The following FBXO40 variants were observed in gnomAD, a reference collection of about 807,000 sequenced individuals.
The protein encoded by FBXO40 is F-box only protein 40.
FBXO40 carries 50 observed loss-of-function variants against 49.9 expected under a neutral mutation model. The ratio of observed to expected loss-of-function variants is 1.00; its 90% CI spans 0.80 to 1.27. FBXO40 has a LOEUF of 1.27. Among genes scored for constraint, FBXO40 ranks in the 50% most tolerant of loss-of-function variants. FBXO40 has a pLI of 0.00. For missense variants in FBXO40, 895 were observed against 870.1 expected (o/e 1.03, Z -0.36); for synonymous variants, 340 against 320.2 (o/e 1.06, Z -0.66).
At chr3:121,614,292 A>T (rs75956683) in intron 1 of FBXO40, among the ~76,000 whole-genome samples, 1 of 149,594 alleles carries the variant, frequency 6.7e-6, no homozygotes, top group Admixed American at 6.7e-5. Context: ...AAAAAAAAAA[A>T]TTAGCTGGGC....
rs932945597 is a variant in FBXO40, at chr3:121,622,985, C to T, written c.1556C>T (p.Thr519Ile). ...TGCCCCCTCGCCTACTTGGGATGTACATTTGTTCAAAACCATTTCCGTCCC... is the reference window on the plus strand; with the variant it reads ...TGCCCCCTCGCCTACTTGGGATGTATATTTGTTCAAAACCATTTCCGTCCC... ...HRCPLAYLGC[T>I]FVQNHFRPPG... Residue 519 changes from threonine (T) to isoleucine (I), a missense_variant, in exon 3 of 4, where the codon ACA (threonine) becomes ATA (isoleucine). Thr to Ile is a moderately conservative substitution (Grantham distance 89). Transcript: ENST00000338040. 6 of 1,614,094 alleles carry T rather than the reference C, an allele frequency of 3.7e-6. No homozygotes were observed. In the African/African-American group the frequency reaches 6.7e-5, roughly 18 times the overall value.
At position 121,613,519 on chromosome 3, in the gene FBXO40, C is replaced by T. The variant is rs562574671; in HGVS notation, c.-30-7027C>T. ...AAAGCGGGGCCCGGCTGTCCGTGAC[C>T]AGCCAATAAAAGATGATCTTCTGAT... On this transcript the variant is annotated intron_variant, in intron 1 of 3. Transcript: ENST00000338040. 1.3e-3 allele frequency among the ~76,000 whole-genome samples: 204 copies of T among 152,220 alleles called. 1 individual carries two copies. The highest frequency in any genetic ancestry group is 3.4e-3 in the Middle Eastern group (1 of 294).
At chr3:121,615,059 G>T (rs1002312575) in intron 1 of FBXO40, among the ~76,000 whole-genome samples, 1 of 152,120 alleles carries the variant, frequency 6.6e-6, no homozygotes, top group African/African-American at 2.4e-5. Flanking sequence ...CAAAAAGTTT[G>T]CTGGGTGTGG....
intron 1 of FBXO40, among the ~76,000 whole-genome samples, chr3:121,618,973 A>G (rs1185399998): frequency 6.6e-6 from 1 of 150,994 alleles, no homozygotes; most frequent in East Asian, 1.9e-4. Context: ...GGCAAATTCT[A>G]AAGTAAAGTA....
intron 1 of FBXO40, among the ~76,000 whole-genome samples, chr3:121,601,433 T>G (rs1199077497): frequency 6.6e-6 from 1 of 151,934 alleles, no homozygotes; most frequent in Non-Finnish European, 1.5e-5. Context: ...GTCTTTGTTA[T>G]CTCTTAAAGG....
At chr3:121,618,907 T>C (rs974320361) in intron 1 of FBXO40, among the ~76,000 whole-genome samples, 4 of 152,004 alleles carry the variant, frequency 2.6e-5, no homozygotes, top group African/African-American at 7.3e-5. Context: ...TTTCTGTATA[T>C]TTGAAATGTC....
intron 1 of FBXO40, among the ~76,000 whole-genome samples, chr3:121,600,265 C>T (rs886951519): frequency 1.4e-5 from 2 of 148,102 alleles, no homozygotes; most frequent in Non-Finnish European, 3.0e-5. Flanking sequence ...ATCTCAATCT[C>T]CTGAGCTCAA....
chr3:121,622,289 T>C lies in FBXO40; in HGVS notation c.860T>C (p.Leu287Pro). ...CGTACAGCCATGGAAACCACAGGGC[T>C]TGCCCCTTGGCAGGATGGTGTTCTG... is the stretch of plus-strand genomic sequence containing the variant. ...DVRTAMETTGLAPWQDGVLER... is the reference protein window; with the variant it reads ...DVRTAMETTGPAPWQDGVLER... The change falls in exon 3 of 4, where the codon CTT becomes CCT. Residue 287 changes from leucine (L) to proline (P), a missense_variant. Leu to Pro is a moderately conservative substitution (Grantham distance 98). Coordinates refer to ENST00000338040, the MANE Select transcript of FBXO40 (RefSeq NM_016298.4). 1 of 1,614,228 alleles carries C rather than the reference T, an allele frequency of 6.2e-7. No homozygotes were observed. Among genetic ancestry groups the C allele is most frequent in the Non-Finnish European group, 8.5e-7 (1 of 1,180,048 alleles).
Position 121,622,126 on chromosome 3 carries a change from A to G in FBXO40, c.697A>G (p.Asn233Asp). 1.2e-6 allele frequency: 2 copies of G among 1,614,180 alleles called. No individual in the cohort carries two copies. The highest frequency in any genetic ancestry group is 2.2e-5 in the South Asian group (2 of 91,076). ...AGAGCACGCAGCCTCTGCTTTAACAAATTCATCAGCGAGCTGTGAGAGCAA... is the reference window on the plus strand; with the variant it reads ...AGAGCACGCAGCCTCTGCTTTAACAGATTCATCAGCGAGCTGTGAGAGCAA... ...SKEHAASALT[N>D]SSASCESKNK... Residue 233 changes from asparagine to aspartate, a missense_variant, in exon 3 of 4, where the codon AAT becomes GAT. By Grantham distance (23) the Asn-to-Asp change is conservative. Transcript: ENST00000338040.
chr3:121,618,615 T>C (rs2049012148), intron 1 of FBXO40, among the ~76,000 whole-genome samples: 1 of 151,726 alleles, frequency 6.6e-6, no homozygotes, highest in African/African-American at 2.4e-5. Flanking sequence ...AGGCTGGCCT[T>C]GAACTCCTGA....
chr3:121,621,365 C>T lies in FBXO40; in HGVS notation c.4-68C>T. The T allele has an allele frequency of 2.9e-6, 4 of 1,379,708 alleles. No individual in the cohort carries two copies. In the South Asian group the frequency reaches 3.9e-5, roughly 14 times the overall value. 85.5% of individuals were successfully genotyped at this position (1,379,708 alleles called of 1,614,324 possible). ...GGAAATATGTCAATTAAAACACAGT[C>T]ATAGACATGCATAGAGCTTCTCCTC... On this transcript the variant is annotated intron_variant, in intron 2 of 3. Coordinates refer to ENST00000338040, the MANE Select transcript of FBXO40 (RefSeq NM_016298.4).
In FBXO40 at chr3:121,627,808, G is replaced by A. The variant is rs1190522311; in HGVS notation, c.*898G>A. On this transcript the variant is annotated 3_prime_UTR_variant, in exon 4 of 4. Transcript: ENST00000338040. ...CCTCAATACACTAATGCCAACCTCA[G>A]CGTCATGCCAGAATGCACAGGGCAG... is the stretch of plus-strand genomic sequence containing the variant. 1 of 398,532 alleles carries A rather than the reference G, an allele frequency of 2.5e-6. No homozygotes were observed. Among genetic ancestry groups the A allele is most frequent in the African/African-American group, 2.1e-5 (1 of 48,634 alleles). 24.7% of individuals were successfully genotyped at this position (398,532 alleles called of 1,614,324 possible). A position where few individuals can be genotyped will look rare whatever the true frequency, so the allele number is the denominator to read the frequency against.
At chr3:121,603,728 A>AT (rs1416169153) in intron 1 of FBXO40, among the ~76,000 whole-genome samples, 5 of 151,182 alleles carry the variant, frequency 3.3e-5, no homozygotes, top group Non-Finnish European at 7.4e-5. Flanking sequence ...TTTTATTTTT[A>AT]TTTTTTTTGA....
intron 1 of FBXO40, among the ~76,000 whole-genome samples, chr3:121,616,461 C>T (rs540989167): frequency 6.6e-6 from 1 of 152,194 alleles, no homozygotes; most frequent in South Asian, 2.1e-4. Flanking sequence ...CCACAAATGG[C>T]GATTGAGCAC....
At chr3:121,601,158 A>G (rs1163481686) in intron 1 of FBXO40, among the ~76,000 whole-genome samples, 3 of 152,204 alleles carry the variant, frequency 2.0e-5, no homozygotes, top group Non-Finnish European at 2.9e-5. Context: ...CCCAGCCATG[A>G]TTAGACTATC....
At position 121,623,157 on chromosome 3, in the gene FBXO40, G is replaced by T; in HGVS notation, c.1728G>T (p.Leu576=). 4 of 1,614,206 alleles carry T rather than the reference G, an allele frequency of 2.5e-6. No individual in the cohort carries two copies. Among genetic ancestry groups the T allele is most frequent in the Non-Finnish European group, 3.4e-6 (4 of 1,180,032 alleles). The change falls in exon 3 of 4, where the codon CTG becomes CTT. Residue 576 remains leucine, a synonymous_variant. Coordinates refer to ENST00000338040, the MANE Select transcript of FBXO40 (RefSeq NM_016298.4). ...GGKSQNSLTS[L]PLEILKYIAG... ...AAAGCCAGAATTCTTTAACCAGCCTGCCCCTGGAGATTTTGAAGTACATTG... is the reference window on the plus strand; with the variant it reads ...AAAGCCAGAATTCTTTAACCAGCCTTCCCCTGGAGATTTTGAAGTACATTG...
rs2049076822 is a variant in FBXO40 at position 121,628,721 on chromosome 3, A to T, written c.*1811A>T. On this transcript the variant is annotated 3_prime_UTR_variant, in exon 4 of 4. Coordinates refer to ENST00000338040, the MANE Select transcript of FBXO40 (RefSeq NM_016298.4). ...CTTATCGCACATAGCTATCCACAAT[A>T]GTTATGATTTAATGCAGCTCTTTAT... 1 of 152,146 alleles carries T rather than the reference A, an allele frequency of 6.6e-6. No individual in the cohort carries two copies. Among genetic ancestry groups the T allele is most frequent in the East Asian group, 1.9e-4 (1 of 5,204 alleles). The allele number at this position is 152,146 out of a possible 1,614,324, so 9.4% of individuals were successfully genotyped here.
At chr3:121,626,215 A>G (rs374108751) in intron 3 of FBXO40, among the ~76,000 whole-genome samples, 6 of 152,194 alleles carry the variant, frequency 3.9e-5, no homozygotes, top group African/African-American at 1.2e-4. Context: ...TACTTCCTCA[A>G]TAATGGCTAC....
At chr3:121,610,080 C>A (rs2048956596) in intron 1 of FBXO40, among the ~76,000 whole-genome samples, 1 of 152,160 alleles carries the variant, frequency 6.6e-6, no homozygotes, top group Non-Finnish European at 1.5e-5. Context: ...CTTCCAGTGA[C>A]CAACCTTCTT....
Sources: gnomAD v4.1 joint callset for allele counts (sites outside exome capture counted in the v4.1 genomes callset) on GRCh38, gnomAD v4.1.1 for gene constraint, MANE v1.5 for transcripts, NCBI Gene and HGNC (gene_info 2026-07-23, HGNC 2026-07-21) for gene names.